Variants in PCDHGA1 observed in about 807,000 individuals in gnomAD.
PCDHGA1 encodes the protein protocadherin gamma subfamily A, 1, also known as protocadherin gamma-A1.
Under a neutral mutation model 58.0 loss-of-function variants are expected in PCDHGA1, and 32 were observed. The ratio of observed to expected loss-of-function variants is 0.55; its 90% CI spans 0.42 to 0.74. The LOEUF (loss-of-function observed/expected upper bound fraction) is 0.74. Ranked by LOEUF, PCDHGA1 falls within the 30% of genes least tolerant of loss-of-function variation. The pLI, the probability that PCDHGA1 is intolerant of heterozygous loss-of-function variation, is 0.00. For missense variants in PCDHGA1, 1,205 were observed against 1,182.3 expected (o/e 1.02, Z -0.28); for synonymous variants, 498 against 501.1 (o/e 0.99, Z 0.08).
intron 1 of PCDHGA1, chr5:141,423,323 C>T (rs200492485): frequency 6.2e-7 from 1 of 1,614,146 alleles, no homozygotes; most frequent in East Asian, 2.2e-5. Flanking sequence ...GTGGCGGTGG[C>T]CGCAGTCTCC....
intron 1 of PCDHGA1, chr5:141,433,252 G>T (rs1398141147): frequency 1.4e-6 from 2 of 1,425,340 alleles, no homozygotes; most frequent in Non-Finnish European, 1.9e-6. Flanking sequence ...GGAATGCAGC[G>T]GTACGATCAT....
rs770808281 is a variant in PCDHGA1, at chr5:141,375,056, C to T, written c.2421+41951C>T. The T allele has an allele frequency of 1.9e-6, 3 of 1,613,848 alleles. No individual in the cohort carries two copies. The East Asian group carries it at 6.7e-5, about 36-fold the overall frequency. On this transcript the variant is annotated intron_variant, in intron 1 of 3. Transcript: ENST00000517417. ...GCTGGGTGTTGAAGCCCGGGATGGG[C>T]CAGGTCTTCGAGACAGAGCGAAAGT...
intron 1 of PCDHGA1, chr5:141,361,654 G>T (rs779307225): frequency 1.2e-6 from 2 of 1,613,664 alleles, no homozygotes; most frequent in African/African-American, 1.3e-5. Context: ...CTACGTGTCC[G>T]TGAGCGCGCA....
At chr5:141,371,062 G>C in intron 1 of PCDHGA1, 1 of 1,613,974 alleles carries the variant, frequency 6.2e-7, no homozygotes, top group African/African-American at 1.3e-5. Context: ...CCCTCCAGAA[G>C]CTGTACCACC....
chr5:141,340,863 C>G, intron 1 of PCDHGA1: 1 of 1,613,622 alleles, frequency 6.2e-7, no homozygotes, highest in Non-Finnish European at 8.5e-7. Context: ...ACGGCGCGAG[C>G]CCTGCTGGAC....
chr5:141,342,043 TGAA>T (rs1454788209), intron 1 of PCDHGA1: 1 of 152,734 alleles, frequency 6.5e-6, no homozygotes, highest in Non-Finnish European at 1.5e-5. Flanking sequence ...ATATGCTTCT[TGAA>T]GAAGTGACTG....
chr5:141,478,409 G>A, intron 1 of PCDHGA1: 1 of 1,613,016 alleles, frequency 6.2e-7, no homozygotes, highest in South Asian at 1.1e-5. Flanking sequence ...TCTCACCACG[G>A]ACTCCCGCCG....
intron 1 of PCDHGA1, chr5:141,423,760 G>A: frequency 1.1e-5 from 3 of 279,660 alleles, no homozygotes; most frequent in Non-Finnish European, 1.1e-5. Flanking sequence ...TGGGGGGGGG[G>A]TGGGGCGGCA....
intron 1 of PCDHGA1, chr5:141,418,621 C>T: frequency 6.2e-7 from 1 of 1,614,034 alleles, no homozygotes; most frequent in Non-Finnish European, 8.5e-7. Flanking sequence ...TTCGGGAAGA[C>T]GTGCCTCCAG....
intron 1 of PCDHGA1, chr5:141,339,542 T>A: frequency 6.2e-7 from 1 of 1,614,132 alleles, no homozygotes; most frequent in South Asian, 1.1e-5. Context: ...TGGGAACAAG[T>A]ACCCAGAACT....
chr5:141,340,894 C>T lies in PCDHGA1; in HGVS notation c.2421+7789C>T, dbSNP rs753165935. The T allele has an allele frequency of 6.8e-6, 11 of 1,613,550 alleles. No individual in the cohort carries two copies. Among genetic ancestry groups the T allele is most frequent in the African/African-American group, 2.7e-5 (2 of 74,932 alleles). Reference sequence around the variant, plus strand: ...TGGACAGAGACGCGCTCAAGCAGAGCCTCGTGGTGGCCATCCAGGACCACG... The same window carrying T: ...TGGACAGAGACGCGCTCAAGCAGAGTCTCGTGGTGGCCATCCAGGACCACG... On this transcript the variant is annotated intron_variant, in intron 1 of 3. Transcript: ENST00000517417.
Position 141,490,070 on chromosome 5 carries a change from T to C in PCDHGA1, c.2422-4737T>C, listed in dbSNP as rs2099695766. ...CCAGACGAGGGCACCAACGGCCAAC[T>C]AGACTATTCTTTTGGAGACCACACA... On this transcript the variant is annotated intron_variant, in intron 1 of 3. Transcript: ENST00000517417. The surrounding 1 kb of genome is among the most constrained non-coding windows in gnomAD (Gnocchi z 5.4). The C allele has an allele frequency of 6.2e-7, 1 of 1,614,198 alleles. No individual in the cohort carries two copies.
At chr5:141,374,135 A>G (rs564020884) in intron 1 of PCDHGA1, 17 of 1,605,796 alleles carry the variant, frequency 1.1e-5, no homozygotes, top group Non-Finnish European at 1.4e-5. Context: ...CCTGCTCCTC[A>G]CGCTCCTGGG....
At chr5:141,335,862 A>T (rs1756585760) in intron 1 of PCDHGA1, among the ~76,000 whole-genome samples, 2 of 152,228 alleles carry the variant, frequency 1.3e-5, no homozygotes, top group Non-Finnish European at 2.9e-5. Context: ...TAACTCTTGG[A>T]TTTCAAAAAT....
At chr5:141,382,188 C>A (rs1009846367) in intron 1 of PCDHGA1, among the ~76,000 whole-genome samples, 4 of 152,052 alleles carry the variant, frequency 2.6e-5, no homozygotes, top group Non-Finnish European at 4.4e-5. Context: ...AGGTTCTATA[C>A]AATCAAAAAT....
At position 141,432,015 on chromosome 5, in the gene PCDHGA1, A is replaced by G. The variant is rs745405194; in HGVS notation, c.2422-62792A>G. 6.2e-7 allele frequency: 1 copy of G among 1,614,196 alleles called. No individual in the cohort carries two copies. Among genetic ancestry groups the G allele is most frequent in the Admixed American group, 1.7e-5 (1 of 60,032 alleles). On this transcript the variant is annotated intron_variant, in intron 1 of 3. Coordinates refer to ENST00000517417, the MANE Select transcript of PCDHGA1 (RefSeq NM_018912.3). The surrounding 1 kb of genome is among the most constrained non-coding windows in gnomAD (Gnocchi z 6.0). ...GATAGGGAACAGGTTCCTAGCTACA[A>G]CATCACAGTGACCGCCACTGACCGG...
At chr5:141,383,694 T>C (rs369728109) in intron 1 of PCDHGA1, 13 of 1,613,890 alleles carry the variant, frequency 8.1e-6, no homozygotes, top group Middle Eastern at 1.6e-4. Context: ...TCACGGTACA[T>C]GCTATCGACC....
chr5:141,363,646 A>C (rs969938262), intron 1 of PCDHGA1, among the ~76,000 whole-genome samples: 2 of 152,252 alleles, frequency 1.3e-5, no homozygotes, highest in African/African-American at 4.8e-5. Flanking sequence ...CACAAGTAAC[A>C]AAGATCTTTA....
rs753294833 is a variant in PCDHGA1, at chr5:141,350,229, A to G, written c.2421+17124A>G. On this transcript the variant is annotated intron_variant, in intron 1 of 3. Coordinates refer to ENST00000517417, the MANE Select transcript of PCDHGA1 (RefSeq NM_018912.3). ...GCCATTTCTTTTTGAAAAACATCCC[A>G]GAGGAAAGAAGCTCCGCGGAGAGTT... is the stretch of plus-strand genomic sequence containing the variant. 2.0e-6 allele frequency: 3 copies of G among 1,500,888 alleles called. No individual in the cohort carries two copies. In the East Asian group the frequency reaches 6.9e-5, roughly 34 times the overall value. The allele number at this position is 1,500,888 out of a possible 1,614,324, so 93.0% of individuals were successfully genotyped here.
Sources: allele counts gnomAD v4.1 joint callset (sites outside exome capture counted in the v4.1 genomes callset), GRCh38; gene constraint gnomAD v4.1.1; non-coding constraint Gnocchi (gnomAD v3.1); transcripts MANE v1.5; gene names NCBI Gene and HGNC (gene_info 2026-07-23, HGNC 2026-07-21).